The following SEMA4B variants were observed in gnomAD, a reference collection of about 807,000 sequenced individuals.
SEMA4B encodes semaphorin 4B, also known as semaphorin-4B.
In SEMA4B, 55 loss-of-function variants were observed where a neutral mutation model predicts 88.1. The ratio of observed to expected loss-of-function variants is 0.62; its 90% CI spans 0.50 to 0.78. SEMA4B has a LOEUF of 0.78. Among genes scored for constraint, SEMA4B ranks in the 30% least tolerant of loss-of-function variants. SEMA4B has a pLI of 0.00. For synonymous variants in SEMA4B, 525 were observed against 473.6 expected, an observed-to-expected ratio of 1.11 and a Z score of -1.41; for missense variants, 1,062 against 1,111.9, an observed-to-expected ratio of 0.96 and a Z score of 0.64.
rs772406037 is a variant in SEMA4B, at chr15:90,217,736, G to A, written c.322-31G>A. On this transcript the variant is annotated intron_variant, in intron 2 of 13. Transcript: ENST00000411539. Reference sequence around the variant, plus strand: ...GGAGGCTCAGCAAACCCTCCATTTTGTCCACTACCTTCCCCTTTCTCATTC... The same window carrying A: ...GGAGGCTCAGCAAACCCTCCATTTTATCCACTACCTTCCCCTTTCTCATTC... 7.4e-6 allele frequency: 12 copies of A among 1,611,094 alleles called. No individual in the cohort carries two copies. The Admixed American group carries it at 2.0e-4, about 27-fold the overall frequency.
intron 9 of SEMA4B, 56 bp from the exon 10 acceptor site, chr15:90,224,912 A>G: frequency 6.7e-7 from 1 of 1,484,482 alleles, no homozygotes; most frequent in East Asian, 2.3e-5. Flanking sequence ...CAGGGCCCGC[A>G]TCCTGCCTGC....
chr15:90,221,732 C>A lies in SEMA4B; in HGVS notation c.828C>A (p.Asn276Lys). 2 of 1,613,926 alleles carry A rather than the reference C, an allele frequency of 1.2e-6. No individual in the cohort carries two copies. Among genetic ancestry groups the A allele is most frequent in the Non-Finnish European group, 1.7e-6 (2 of 1,179,886 alleles). ...ETGQEFEFFE[N>K]TIVSRIARIC... ...GCCAGGAATTTGAGTTCTTTGAGAA[C>A]ACCATTGTGTCCCGCATTGCCCGCA... Residue 276 changes from asparagine (N) to lysine (K), a missense_variant, in exon 7 of 14, where the codon AAC becomes AAA. By Grantham distance (94) the Asn-to-Lys change is moderately conservative. Transcript: ENST00000411539.
At chr15:90,221,831 AC>A in intron 7 of SEMA4B, 66 bp downstream of exon 7, 2 of 1,518,592 alleles carry the variant, frequency 1.3e-6, no homozygotes, top group South Asian at 1.2e-5. Flanking sequence ...CTGCAAGATC[AC>A]CCACATCCAT....
intron 1 of SEMA4B, among the ~76,000 whole-genome samples, chr15:90,192,534 C>T (rs532762046): frequency 6.1e-5 from 9 of 148,598 alleles, no homozygotes; most frequent in Admixed American, 4.7e-4. Flanking sequence ...GATGTGTGTT[C>T]ATTTGCTTTT....
chr15:90,225,406 G>A lies in SEMA4B; in HGVS notation c.1521+9G>A, dbSNP rs1240191470. On this transcript the variant is annotated intron_variant, in intron 11 of 13. Transcript: ENST00000411539. ...TCCTGGACACCCACAGGGTGAGCAG[G>A]CCAACGAGGAATCCTGGCAGGGTAC... 3 of 1,549,248 alleles carry A rather than the reference G, an allele frequency of 1.9e-6. No individual in the cohort carries two copies. In the African/African-American group the frequency reaches 4.1e-5, roughly 21 times the overall value.
chr15:90,224,890 C>A, intron 9 of SEMA4B, 78 bp from the exon 10 acceptor site: 1 of 1,212,154 alleles, frequency 8.2e-7, no homozygotes, highest in Admixed American at 1.7e-5. Flanking sequence ...CCGCTACTGT[C>A]CACTGGGGAA....
intron 9 of SEMA4B, 141 bp from the exon 10 acceptor site, chr15:90,224,827 C>G: frequency 1.4e-6 from 1 of 706,726 alleles, no homozygotes; most frequent in Middle Eastern, 3.6e-4. Flanking sequence ...TGCACACTGG[C>G]TCTGTAGAGC....
intron 1 of SEMA4B, among the ~76,000 whole-genome samples, chr15:90,188,004 C>CA (rs61167091): frequency 8.2e-4 from 102 of 124,496 alleles, no homozygotes; most frequent in South Asian, 2.1e-3. Context: ...GACTCCATCT[C>CA]AAAAAAAAAA....
intron 1 of SEMA4B, among the ~76,000 whole-genome samples, chr15:90,214,633 CAA>C (rs766089827): frequency 3.5e-4 from 33 of 94,254 alleles, no homozygotes; most frequent in Middle Eastern, 6.3e-3. Flanking sequence ...AACACCATCT[CAA>C]AAAAAAAAAA....
At position 90,221,377 on chromosome 15, in the gene SEMA4B, C is replaced by T; in HGVS notation, c.606C>T (p.Leu202=). 1.3e-6 allele frequency: 2 copies of T among 1,563,388 alleles called. No individual in the cohort carries two copies. The highest frequency in any genetic ancestry group is 1.7e-6 in the Non-Finnish European group (2 of 1,154,794). Residue 202 remains leucine (L), a synonymous_variant, in exon 6 of 14, where the codon CTC becomes CTT. Coordinates refer to ENST00000411539, the MANE Select transcript of SEMA4B (RefSeq NM_198925.4). Reference sequence around the variant, plus strand: ...ATGTTTTCTTGGCAGATGGCGAGCTCTACACTGGAACAGTCAGCAGCTTCC... The same window carrying T: ...ATGTTTTCTTGGCAGATGGCGAGCTTTACACTGGAACAGTCAGCAGCTTCC... ...KSTALVVDGE[L]YTGTVSSFQG...
chr15:90,225,151 A>G lies in SEMA4B; in HGVS notation c.1378A>G (p.Thr460Ala). ...ACACCGCGTCCCTGGCCTGCACCACACCTACGATGTCCTCTTCCTGGGCAC... is the reference window on the plus strand; with the variant it reads ...ACACCGCGTCCCTGGCCTGCACCACGCCTACGATGTCCTCTTCCTGGGCAC... ...AVHRVPGLHH[T>A]YDVLFLGTGD... The change falls in exon 10 of 14, where the codon ACC becomes GCC. Residue 460 changes from threonine to alanine, a missense_variant. Thr to Ala is a moderately conservative substitution (Grantham distance 58). Coordinates refer to ENST00000411539, the MANE Select transcript of SEMA4B (RefSeq NM_198925.4). 6.2e-7 allele frequency: 1 copy of G among 1,610,312 alleles called. No homozygotes were observed. Among genetic ancestry groups the G allele is most frequent in the Non-Finnish European group, 8.5e-7 (1 of 1,178,380 alleles).
chr15:90,228,794 C>A lies in SEMA4B; in HGVS notation c.*151C>A. ...TTGGGGCCAGCTGGCCTGCTGCTCT[C>A]CAGTCAAGTAGCGAAGCTCCTACCA... On this transcript the variant is annotated 3_prime_UTR_variant, in exon 14 of 14. Transcript: ENST00000411539. The A allele has an allele frequency of 9.6e-7, 1 of 1,039,242 alleles. No homozygotes were observed. The highest frequency in any genetic ancestry group is 1.4e-6 in the Non-Finnish European group (1 of 731,496). The allele number at this position is 1,039,242 out of a possible 1,614,324, so 64.4% of individuals were successfully genotyped here.
Position 90,221,425 on chromosome 15 carries a change from G to A in SEMA4B, c.654G>A (p.Ser218=), listed in dbSNP as rs757328588. The A allele has an allele frequency of 2.1e-5, 34 of 1,583,858 alleles. No individual in the cohort carries two copies. The highest frequency in any genetic ancestry group is 4.7e-5 in the East Asian group (2 of 42,794). The change falls in exon 6 of 14, where the codon TCG becomes TCA. Residue 218 remains serine (S), a synonymous_variant. Transcript: ENST00000411539. ...SSFQGNDPAI[S]RSQSLRPTKT... ...TCCAAGGGAATGACCCGGCCATCTC[G>A]CGGAGCCAAAGCCTTCGCCCCACCA... is the stretch of plus-strand genomic sequence containing the variant.
rs536472779 is a variant in SEMA4B, at chr15:90,214,798, A to C, written c.158-2641A>C. On this transcript the variant is annotated intron_variant, in intron 1 of 13. Coordinates refer to ENST00000411539, the MANE Select transcript of SEMA4B (RefSeq NM_198925.4). ...TTCTCTACCAGCTGTGCGAAGACTC[A>C]TTGACCTACTCGTGAATTTTTACTT... The C allele has an allele frequency of 2.0e-5, 6 of 304,080 alleles. No homozygotes were observed. The East Asian group carries it at 5.9e-4, about 30-fold the overall frequency. 18.8% of individuals were successfully genotyped at this position (304,080 alleles called of 1,614,324 possible).
chr15:90,207,792 C>T (rs1355148942), intron 1 of SEMA4B, among the ~76,000 whole-genome samples: 2 of 152,158 alleles, frequency 1.3e-5, no homozygotes, highest in East Asian at 1.9e-4. Context: ...GGGATCCAGC[C>T]GAGGCCCCTG....
At chr15:90,203,286 G>A (rs1960831788) in intron 1 of SEMA4B, among the ~76,000 whole-genome samples, 1 of 152,206 alleles carries the variant, frequency 6.6e-6, no homozygotes, top group Non-Finnish European at 1.5e-5. Context: ...AGGATGAACA[G>A]GTGTAACCAG....
chr15:90,200,282 A>C (rs1049940219), upstream of SEMA4B, among the ~76,000 whole-genome samples: 38 of 152,304 alleles, frequency 2.5e-4, no homozygotes, highest in African/African-American at 7.9e-4. Context: ...CAATTGCAGC[A>C]AATTTATGGA....
chr15:90,215,160 T>C (rs547723810), intron 1 of SEMA4B, among the ~76,000 whole-genome samples: 14 of 152,120 alleles, frequency 9.2e-5, no homozygotes, highest in Admixed American at 2.6e-4. Context: ...ATAATTTCTC[T>C]CCAAACCCTT....
At chr15:90,188,958 C>T (rs1055051065) in intron 1 of SEMA4B, among the ~76,000 whole-genome samples, 12 of 152,240 alleles carry the variant, frequency 7.9e-5, no homozygotes, top group African/African-American at 2.4e-4. Flanking sequence ...CATGAGCCAC[C>T]GCGCCCAGCC....
Sources: allele counts gnomAD v4.1 joint callset (sites outside exome capture counted in the v4.1 genomes callset), GRCh38; gene constraint gnomAD v4.1.1; transcripts MANE v1.5; gene names NCBI Gene and HGNC (gene_info 2026-07-23, HGNC 2026-07-21).